The following TRHDE variants were observed in gnomAD, a reference collection of about 807,000 sequenced individuals.
The protein encoded by TRHDE is thyrotropin releasing hormone degrading enzyme, also known as thyrotropin-releasing hormone-degrading ectoenzyme.
A neutral mutation model predicts 125.7 loss-of-function variants in TRHDE; 72 were observed. The ratio of observed to expected loss-of-function variants is 0.57; its 90% CI spans 0.47 to 0.70. The LOEUF (loss-of-function observed/expected upper bound fraction) is 0.70, where lower values mean the gene tolerates loss of function less well. Ranked by LOEUF, TRHDE falls within the 30% of genes least tolerant of loss-of-function variation. The probability of loss-of-function intolerance (pLI) is 0.00; values close to 1 mark genes in which losing one functional copy is unlikely to be tolerated. For synonymous variants in TRHDE, 509 were observed against 509.1 expected (o/e 1.00, Z 0.00); for missense variants, 1,110 against 1,327.1 (o/e 0.84, Z 2.54).
intron 12 of TRHDE, among the ~76,000 whole-genome samples, chr12:72,585,609 G>T (rs55658221): frequency 0.059 from 9,017 of 152,258 alleles, 375 homozygotes; most frequent in Admixed American, 0.13. Context: ...ACCTGGTTTT[G>T]CTTCTACTAA....
intron 5 of TRHDE, among the ~76,000 whole-genome samples, chr12:72,484,668 G>T (rs376504885): frequency 1.3e-5 from 2 of 152,238 alleles, no homozygotes; most frequent in East Asian, 3.9e-4. Flanking sequence ...TTGCTATTAG[G>T]AATGCATTCA....
At chr12:72,132,351 A>G (rs1210892481) in intron 2 of TRHDE, among the ~76,000 whole-genome samples, 3 of 152,224 alleles carry the variant, frequency 2.0e-5, no homozygotes, top group Admixed American at 6.5e-5. Context: ...TTTGAGAAAC[A>G]CTGGCATTCT....
chr12:72,266,524 G>T, intron 2 of TRHDE, among the ~76,000 whole-genome samples: 1 of 149,582 alleles, frequency 6.7e-6, no homozygotes, highest in East Asian at 1.9e-4. Flanking sequence ...TCTTTGTTCA[G>T]GGTCATACTA....
rs200110690 is a variant in TRHDE at position 72,652,460 on chromosome 12, T to C, written c.2814T>C (p.Thr938=). 1.9e-6 allele frequency: 3 copies of C among 1,607,608 alleles called. No homozygotes were observed. Among genetic ancestry groups the C allele is most frequent in the Non-Finnish European group, 2.5e-6 (3 of 1,176,756 alleles). Residue 938 remains threonine (T), a synonymous_variant, in exon 16 of 19, where the codon ACT becomes ACC. Coordinates refer to ENST00000261180, the MANE Select transcript of TRHDE (RefSeq NM_013381.3). ...AGAAAATATTATTGGAAGCCTTAACTTGCAGTGATGACAGGAATTTATTAA... is the reference window on the plus strand; with the variant it reads ...AGAAAATATTATTGGAAGCCTTAACCTGCAGTGATGACAGGAATTTATTAA... ...SEKKILLEAL[T]CSDDRNLLNR...
chr12:72,473,586 T>C (rs759809820), intron 5 of TRHDE, among the ~76,000 whole-genome samples: 1 of 152,062 alleles, frequency 6.6e-6, no homozygotes, highest in Non-Finnish European at 1.5e-5. Context: ...AAAGATACGA[T>C]GTATTATTGT....
intron 2 of TRHDE, among the ~76,000 whole-genome samples, chr12:72,228,622 A>G (rs1878184755): frequency 6.6e-6 from 1 of 152,132 alleles, no homozygotes; most frequent in African/African-American, 2.4e-5. Flanking sequence ...TTTCTTGTCT[A>G]TTGCATCATC....
At chr12:72,560,397 G>T (rs1382532095) in intron 7 of TRHDE, 1 of 152,192 alleles carries the variant, frequency 6.6e-6, no homozygotes, top group African/African-American at 2.4e-5. Flanking sequence ...TCTTTGAGAA[G>T]AAAATTGTAT....
intron 3 of TRHDE, among the ~76,000 whole-genome samples, chr12:72,459,831 T>A (rs2135883498): frequency 6.6e-6 from 1 of 152,266 alleles, no homozygotes; most frequent in African/African-American, 2.4e-5. Context: ...TTGCCCAGAC[T>A]GGTCTTGAAC....
chr12:72,127,305 C>T (rs894497802), intron 2 of TRHDE, among the ~76,000 whole-genome samples: 1 of 152,124 alleles, frequency 6.6e-6, no homozygotes, highest in African/African-American at 2.4e-5. Context: ...TAACTTAGAA[C>T]AACCATTTGG....
chr12:72,282,258 A>C (rs1879722217), intron 1 of TRHDE, among the ~76,000 whole-genome samples: 1 of 152,176 alleles, frequency 6.6e-6, no homozygotes, highest in African/African-American at 2.4e-5. Flanking sequence ...TCATGTCCAC[A>C]TTATAATTGA....
chr12:72,419,231 A>T (rs907029622), intron 3 of TRHDE, among the ~76,000 whole-genome samples: 3 of 152,198 alleles, frequency 2.0e-5, no homozygotes, highest in Admixed American at 1.3e-4. Context: ...AAACTGGTCT[A>T]TTTATCCAGG....
At chr12:72,258,677 A>G (rs893981058) in intron 2 of TRHDE, among the ~76,000 whole-genome samples, 3 of 152,286 alleles carry the variant, frequency 2.0e-5, no homozygotes, top group Admixed American at 2.0e-4. Flanking sequence ...TCTTTATAGT[A>G]AAAAGGTCCA....
At chr12:72,265,823 T>C (rs1879054824) in intron 2 of TRHDE, among the ~76,000 whole-genome samples, 1 of 152,002 alleles carries the variant, frequency 6.6e-6, no homozygotes, top group African/African-American at 2.4e-5. Context: ...ACTATATATA[T>C]TTTATATTAT....
intron 2 of TRHDE, among the ~76,000 whole-genome samples, chr12:72,132,899 T>A (rs1316988986): frequency 6.6e-6 from 1 of 151,314 alleles, no homozygotes; most frequent in Non-Finnish European, 1.5e-5. Context: ...GCGACCTGGA[T>A]CTTGATGAGG....
chr12:72,436,721 A>T (rs974876680), intron 3 of TRHDE, among the ~76,000 whole-genome samples: 2 of 151,908 alleles, frequency 1.3e-5, no homozygotes, highest in Non-Finnish European at 2.9e-5. Flanking sequence ...TGAAGAACCG[A>T]GAGTAATTTT....
intron 2 of TRHDE, among the ~76,000 whole-genome samples, chr12:72,355,188 A>G (rs1009457249): frequency 1.1e-4 from 16 of 151,550 alleles, no homozygotes; most frequent in Middle Eastern, 3.2e-3. Context: ...TTAGGAAAAA[A>G]GCCTTGACCT....
chr12:72,288,351 A>C (rs1879968394), intron 2 of TRHDE, among the ~76,000 whole-genome samples: 1 of 152,174 alleles, frequency 6.6e-6, no homozygotes, highest in African/African-American at 2.4e-5. Flanking sequence ...AAAAAATAAA[A>C]TCTGCCAGCA....
chr12:72,387,269 C>A (rs1165515010), intron 3 of TRHDE, among the ~76,000 whole-genome samples: 1 of 152,178 alleles, frequency 6.6e-6, no homozygotes. Flanking sequence ...TATGACACAT[C>A]TGACCTATCA....
chr12:72,511,475 C>T (rs1204148081), intron 6 of TRHDE, among the ~76,000 whole-genome samples: 1 of 152,058 alleles, frequency 6.6e-6, no homozygotes, highest in Non-Finnish European at 1.5e-5. Context: ...TTTTGTTATT[C>T]CTTTTCTTTG....
Sources: gnomAD v4.1 joint callset for allele counts (sites outside exome capture counted in the v4.1 genomes callset) on GRCh38, gnomAD v4.1.1 for gene constraint, MANE v1.5 for transcripts, NCBI Gene and HGNC (gene_info 2026-07-23, HGNC 2026-07-21) for gene names.